The following DLG3 variants were observed in gnomAD, a reference collection of about 807,000 sequenced individuals.
DLG3 encodes the protein disks large homolog 3.
A neutral mutation model predicts 64.1 loss-of-function variants in DLG3; 1 was observed. The ratio of observed to expected loss-of-function variants is 0.02; its 90% CI spans 0.01 to 0.07. The LOEUF (loss-of-function observed/expected upper bound fraction) is 0.07, where lower values mean the gene tolerates loss of function less well. Among genes scored for constraint, DLG3 ranks in the 10% least tolerant of loss-of-function variants. The pLI, the probability that DLG3 is intolerant of heterozygous loss-of-function variation, is 1.00. For synonymous variants in DLG3, 245 were observed against 259.8 expected (o/e 0.94, Z 0.55); for missense variants, 429 against 669.5 (o/e 0.64, Z 3.96).
chrX:70,460,623 CATTT>C (rs1397783721), intron 9 of DLG3, among the ~76,000 whole-genome samples: 5 of 112,428 alleles, frequency 4.4e-5, no homozygotes, highest in African/African-American at 1.3e-4. Context: ...ACGATTCATT[CATTT>C]AAGAGTATAC....
chrX:70,484,588 A>G (rs1420178335), intron 10 of DLG3, among the ~76,000 whole-genome samples: 1 of 111,855 alleles, frequency 8.9e-6, no homozygotes, highest in Non-Finnish European at 1.9e-5. Flanking sequence ...GTAAGTGTTC[A>G]GGGCTACCAG....
At chrX:70,497,661 A>G (rs1234172414) in intron 13 of DLG3, among the ~76,000 whole-genome samples, 1 of 112,254 alleles carries the variant, frequency 8.9e-6, no homozygotes, top group East Asian at 2.8e-4. Flanking sequence ...GTAATTGCCA[A>G]GTTCTCCTTG....
chrX:70,490,152 C>T (rs1334479697), intron 10 of DLG3, among the ~76,000 whole-genome samples: 1 of 112,225 alleles, frequency 8.9e-6, no homozygotes, highest in African/African-American at 3.2e-5. Flanking sequence ...CGTGAGCCAC[C>T]GCGCCCGGCC....
chrX:70,501,756 C>T (rs560558541), intron 18 of DLG3, among the ~76,000 whole-genome samples: 9 of 111,537 alleles, frequency 8.1e-5, no homozygotes, highest in African/African-American at 2.3e-4. Context: ...TGGAGAACTG[C>T]GATTTTCCAA....
chrX:70,464,180 C>T (rs2086848423), intron 9 of DLG3, among the ~76,000 whole-genome samples: 1 of 98,334 alleles, frequency 1.0e-5, no homozygotes, highest in Admixed American at 1.2e-4. Context: ...TTCCTTCCTT[C>T]CTTTTTTCTT....
At chrX:70,474,944 A>G (rs967338609) in intron 9 of DLG3, among the ~76,000 whole-genome samples, 2 of 111,961 alleles carry the variant, frequency 1.8e-5, no homozygotes, top group Non-Finnish European at 3.8e-5. Flanking sequence ...TTGGGGTTCA[A>G]TTTGGTAGTG....
rs2086608503 is a variant in DLG3, at chrX:70,450,757, T to C, written c.959T>C (p.Met320Thr). The C allele has an allele frequency of 5.8e-6, 7 of 1,211,686 alleles. No individual in the cohort carries two copies. The highest frequency in any genetic ancestry group is 3.5e-5 in the African/African-American group (2 of 57,747). Reference sequence around the variant, plus strand: ...CCAGGCAGCCTCCACCTCAACGACATGTACGCTCCCCCTGACTACGCCAGC... The same window carrying C: ...CCAGGCAGCCTCCACCTCAACGACACGTACGCTCCCCCTGACTACGCCAGC... Reference protein sequence around the residue: ...AKPGSLHLNDMYAPPDYASTF... With the variant: ...AKPGSLHLNDTYAPPDYASTF... Residue 320 changes from methionine (M) to threonine (T), a missense_variant, in exon 6 of 19, where the codon ATG (methionine) becomes ACG (threonine). Transcript: ENST00000374360.
chrX:70,450,121 T>C lies in DLG3; in HGVS notation c.704-48T>C, dbSNP rs1203421138. On this transcript the variant is annotated intron_variant, in intron 4 of 18. Coordinates refer to ENST00000374360, the MANE Select transcript of DLG3 (RefSeq NM_021120.4). The stretch of plus-strand genomic sequence containing the variant: ...TTTGGATTTGGGATCGACAACACTT[T>C]AACCTCTCCTTGTGGCCCTCTCCCA... 4 of 1,206,109 alleles carry C rather than the reference T, an allele frequency of 3.3e-6. No individual in the cohort carries two copies. The Admixed American group carries it at 8.7e-5, about 26-fold the overall frequency.
chrX:70,479,383 C>T lies in DLG3; in HGVS notation c.1520+119C>T, dbSNP rs1602948830. On this transcript the variant is annotated intron_variant, in intron 10 of 18. Transcript: ENST00000374360. ...ATGTACTCCCAGTTCTAAAATAACG[C>T]TTCTCACTGTATGCTTAGGTTGTGT... The T allele has an allele frequency of 8.6e-6, 5 of 580,311 alleles. No homozygotes were observed. The East Asian group carries it at 1.3e-4, about 15-fold the overall frequency. 47.8% of individuals were successfully genotyped at this position (580,311 alleles called of 1,213,427 possible).
chrX:70,462,243 C>CTTTTTTT (rs141689653), intron 9 of DLG3, among the ~76,000 whole-genome samples: 72 of 46,960 alleles, frequency 1.5e-3, no homozygotes, highest in East Asian at 3.9e-3. Context: ...TTCTTTCTTT[C>CTTTTTTT]TTTTTTTTTT....
intron 9 of DLG3, among the ~76,000 whole-genome samples, chrX:70,477,424 G>A (rs1414987085): frequency 8.9e-6 from 1 of 112,151 alleles, no homozygotes. Flanking sequence ...TCCCCACCCA[G>A]TGTAGAGGGC....
chrX:70,449,968 CT>C (rs2086601786), intron 4 of DLG3, 109 bp downstream of exon 4: 3 of 1,023,191 alleles, frequency 2.9e-6, no homozygotes, highest in South Asian at 2.1e-5. Context: ...CTGACTCCCC[CT>C]GTTCCAACTC....
In DLG3 at chrX:70,504,334, CAT is replaced by C. The variant is rs776415071; in HGVS notation, c.*2070_*2071del. 25 of 112,390 alleles carry C rather than the reference CAT, an allele frequency of 2.2e-4. No homozygotes were observed. The highest frequency in any genetic ancestry group is 8.1e-4 in the African/African-American group (25 of 30,867). 9.3% of individuals were successfully genotyped at this position (112,390 alleles called of 1,213,427 possible). A position where few individuals can be genotyped will look rare whatever the true frequency, so the allele number is the denominator to read the frequency against. ...TTTACCAGTGTTTCTTCCAAGGAGA[CAT>C]ATATTTTTTAATAAACGATAGTTGC... On this transcript the variant is annotated 3_prime_UTR_variant, in exon 19 of 19. Coordinates refer to ENST00000374360, the MANE Select transcript of DLG3 (RefSeq NM_021120.4).
chrX:70,500,883 TTCTG>T lies in DLG3; in HGVS notation c.2256-11_2256-8del. On this transcript the variant is annotated splice_polypyrimidine_tract_variant and intron_variant, in intron 17 of 18. Coordinates refer to ENST00000374360, the MANE Select transcript of DLG3 (RefSeq NM_021120.4). ...AAGATCTGGTTCAGAACTATTTTTC[TTCTG>T]TCTTTGGCAGGGAAATGAACCGAAG... 1 of 1,171,555 alleles carries T rather than the reference TTCTG, an allele frequency of 8.5e-7. No individual in the cohort carries two copies. Among genetic ancestry groups the T allele is most frequent in the Non-Finnish European group, 1.2e-6 (1 of 866,490 alleles).
Position 70,450,791 on chromosome X carries a change from C to T in DLG3, c.985+8C>T. ...CCCCTGACTACGCCAGCAGTACGTA[C>T]TCATCAGCCCCTGTCCCTGGTCTAA... On this transcript the variant is annotated splice_region_variant and intron_variant, in intron 6 of 18. Transcript: ENST00000374360. 2 of 1,211,700 alleles carry T rather than the reference C, an allele frequency of 1.7e-6. No homozygotes were observed. The highest frequency in any genetic ancestry group is 2.2e-6 in the Non-Finnish European group (2 of 895,335).
chrX:70,452,652 G>A (rs771487436), intron 7 of DLG3: 1 of 1,196,820 alleles, frequency 8.4e-7, no homozygotes, highest in South Asian at 1.8e-5. Flanking sequence ...CTCGGGCTCC[G>A]GCTTGGCCAT....
rs2087549772 is a variant in DLG3, at chrX:70,501,085, C to G, written c.2347+96C>G. ...AGAGGTGTAGACAGAATGTAGAAAC[C>G]TTGCACGGAGTTTCCAGTTGCTTTT... On this transcript the variant is annotated intron_variant, in intron 18 of 18. Coordinates refer to ENST00000374360, the MANE Select transcript of DLG3 (RefSeq NM_021120.4). The G allele has an allele frequency of 1.4e-5, 10 of 694,649 alleles. No individual in the cohort carries two copies. The South Asian group carries it at 2.0e-4, about 14-fold the overall frequency. 57.2% of individuals were successfully genotyped at this position (694,649 alleles called of 1,213,427 possible).
At position 70,499,986 on chromosome X, in the gene DLG3, G is replaced by A. The variant is rs762986237; in HGVS notation, c.2082G>A (p.Ala694=). 7.4e-6 allele frequency: 9 copies of A among 1,211,013 alleles called. No individual in the cohort carries two copies. The highest frequency in any genetic ancestry group is 2.2e-5 in the Admixed American group (1 of 45,981). ...KDIQDNKFIE[A]GQFNDNLYGT... The stretch of plus-strand genomic sequence containing the variant: ...TTCAGGACAACAAGTTCATCGAGGC[G>A]GGCCAATTTAATGATAACCTCTATG... Residue 694 remains alanine, a synonymous_variant, in exon 16 of 19, where the codon GCG becomes GCA. Coordinates refer to ENST00000374360, the MANE Select transcript of DLG3 (RefSeq NM_021120.4).
intron 4 of DLG3, 109 bp from the exon 5 acceptor site, chrX:70,450,060 C>T (rs2086602735): frequency 9.3e-7 from 1 of 1,073,227 alleles, no homozygotes; most frequent in Non-Finnish European, 1.3e-6. Context: ...CCGGGGGGAG[C>T]TCCTGTGGGG....
Sources: gnomAD v4.1 joint callset for allele counts (sites outside exome capture counted in the v4.1 genomes callset) on GRCh38, gnomAD v4.1.1 for gene constraint, MANE v1.5 for transcripts, NCBI Gene and HGNC (gene_info 2026-07-23, HGNC 2026-07-21) for gene names.